Variants in TMCO1 observed in about 807,000 individuals in gnomAD.
TMCO1 encodes the protein calcium load-activated calcium channel.
Under a neutral mutation model 29.3 loss-of-function variants are expected in TMCO1, and 29 were observed. The observed-to-expected ratio is 0.99, with a 90% confidence interval of 0.74 to 1.35. The LOEUF is 1.35. Among genes scored for constraint, TMCO1 ranks in the 40% most tolerant of loss-of-function variants. The pLI, the probability that TMCO1 is intolerant of heterozygous loss-of-function variation, is 0.00. For synonymous variants in TMCO1, 80 were observed against 77.1 expected (o/e 1.04, Z -0.20); for missense variants, 173 against 225.5 (o/e 0.77, Z 1.49).
At chr1:165,754,570 T>C (rs1652120651) in intron 3 of TMCO1, among the ~76,000 whole-genome samples, 1 of 152,210 alleles carries the variant, frequency 6.6e-6, no homozygotes, top group Non-Finnish European at 1.5e-5. Context: ...CAAAGGGAAT[T>C]GCCAATCAGT....
intron 6 of TMCO1, among the ~76,000 whole-genome samples, chr1:165,737,617 A>G (rs1651440475): frequency 6.6e-6 from 1 of 152,244 alleles, no homozygotes; most frequent in South Asian, 2.1e-4. Context: ...GAAAAGTGAC[A>G]TTACTTACGA....
intron 5 of TMCO1, among the ~76,000 whole-genome samples, chr1:165,748,615 C>A (rs1178477357): frequency 6.6e-6 from 1 of 152,084 alleles, no homozygotes; most frequent in Non-Finnish European, 1.5e-5. Flanking sequence ...GGTTTGAATT[C>A]CTGGTGATGA....
intron 5 of TMCO1, among the ~76,000 whole-genome samples, chr1:165,749,154 C>T (rs1000842033): frequency 6.6e-6 from 1 of 152,168 alleles, no homozygotes; most frequent in Non-Finnish European, 1.5e-5. Context: ...CATCTGTGTA[C>T]AGGTTTTTGT....
chr1:165,729,853 A>G (rs1190648935), intron 6 of TMCO1, among the ~76,000 whole-genome samples: 1 of 152,080 alleles, frequency 6.6e-6, no homozygotes, highest in Non-Finnish European at 1.5e-5. Context: ...GCTCTTCAGA[A>G]CAAACTCCAT....
chr1:165,732,563 T>C (rs35453580), intron 6 of TMCO1, among the ~76,000 whole-genome samples: 12,189 of 151,152 alleles, frequency 0.081, 611 homozygotes, highest in Middle Eastern at 0.14. Context: ...AAAAAACCCA[T>C]AGAATGTACA....
intron 6 of TMCO1, among the ~76,000 whole-genome samples, chr1:165,733,561 A>G (rs1558030231): frequency 6.6e-6 from 1 of 151,996 alleles, no homozygotes; most frequent in Non-Finnish European, 1.5e-5. Context: ...GTGCAGCTGC[A>G]CTCCAACCTG....
At position 165,735,133 on chromosome 1, in the gene TMCO1, G is replaced by A. The variant is rs553701265; in HGVS notation, c.469-7012C>T. 3.9e-5 allele frequency among the ~76,000 whole-genome samples: 6 copies of A among 152,246 alleles called. No individual in the cohort carries two copies. The South Asian group carries it at 1.0e-3, about 26-fold the overall frequency. ...TTCTGCTGCGGTCAGGAGATTAAGT[G>A]ACAATCTCTTTCTCTCCCTCTCACT... On this transcript the variant is annotated intron_variant, in intron 6 of 6. Coordinates refer to ENST00000367881, the MANE Select transcript of TMCO1 (RefSeq NM_019026.6).
At chr1:165,730,099 A>T (rs1308267299) in intron 6 of TMCO1, among the ~76,000 whole-genome samples, 1 of 150,866 alleles carries the variant, frequency 6.6e-6, no homozygotes, top group Non-Finnish European at 1.5e-5. Context: ...AGGCGGGCGG[A>T]TCACGAGGTC....
chr1:165,727,915 G>A lies in TMCO1; in HGVS notation c.*108C>T. The A allele has an allele frequency of 1.2e-6, 1 of 811,876 alleles. No homozygotes were observed. Among genetic ancestry groups the A allele is most frequent in the Non-Finnish European group, 2.0e-6 (1 of 496,644 alleles). 50.3% of individuals were successfully genotyped at this position (811,876 alleles called of 1,614,324 possible). On this transcript the variant is annotated 3_prime_UTR_variant, in exon 7 of 7. Transcript: ENST00000367881. ...AAGGCTTAGAAATAATTCAAAACTA[G>A]AAAGAGGCCCAAGTAGTAAGGCTAC...
intron 5 of TMCO1, among the ~76,000 whole-genome samples, chr1:165,743,750 T>C (rs1651688283): frequency 6.6e-6 from 1 of 151,870 alleles, no homozygotes; most frequent in East Asian, 1.9e-4. Flanking sequence ...GCCTCCCGGG[T>C]TCAAGCGATA....
In TMCO1 at chr1:165,735,015, A is replaced by T. The variant is rs187164054; in HGVS notation, c.469-6894T>A. 3.4e-3 allele frequency among the ~76,000 whole-genome samples: 525 copies of T among 152,302 alleles called. 2 individuals are homozygous for T. The highest frequency in any genetic ancestry group is 0.012 in the African/African-American group (512 of 41,564). On this transcript the variant is annotated intron_variant, in intron 6 of 6. Coordinates refer to ENST00000367881, the MANE Select transcript of TMCO1 (RefSeq NM_019026.6). ...AAATTCTGAAAGATAAGCACATCAA[A>T]TCTGCACTAGAGTAATGTCACTTCC...
At chr1:165,767,074 G>A (rs912780171) in intron 2 of TMCO1, among the ~76,000 whole-genome samples, 4 of 152,262 alleles carry the variant, frequency 2.6e-5, no homozygotes, top group Middle Eastern at 3.4e-3. Context: ...GCTCTGTGAC[G>A]TAAGTTGTCA....
At chr1:165,738,663 G>T (rs73020541) in intron 6 of TMCO1, among the ~76,000 whole-genome samples, 2,021 of 152,300 alleles carry the variant, frequency 0.013, 54 homozygotes, top group African/African-American at 0.047. Context: ...CTAACAGTGA[G>T]TAATAGGTAG....
intron 6 of TMCO1, among the ~76,000 whole-genome samples, chr1:165,741,207 C>T (rs1488157152): frequency 6.6e-6 from 1 of 152,232 alleles, no homozygotes; most frequent in African/African-American, 2.4e-5. Flanking sequence ...TTTTTCCTTT[C>T]TCCTTCACAT....
intron 2 of TMCO1, among the ~76,000 whole-genome samples, chr1:165,766,463 G>A (rs1652571835): frequency 1.3e-5 from 2 of 152,310 alleles, no homozygotes; most frequent in African/African-American, 4.8e-5. Flanking sequence ...GGGAGGTCAA[G>A]AAATGAAACC....
intron 3 of TMCO1, among the ~76,000 whole-genome samples, chr1:165,756,813 C>CTA (rs1275250436): frequency 4.7e-5 from 7 of 150,212 alleles, no homozygotes; most frequent in African/African-American, 9.8e-5. Context: ...TCCCCAGATA[C>CTA]TATATATATA....
rs35952900 is a variant in TMCO1, at chr1:165,727,599, G to GAA, written c.*422_*423dup. On this transcript the variant is annotated 3_prime_UTR_variant, in exon 7 of 7. Coordinates refer to ENST00000367881, the MANE Select transcript of TMCO1 (RefSeq NM_019026.6). The stretch of plus-strand genomic sequence containing the variant: ...TGATCTTATGTCATGTATTTGGCTT[G>GAA]AAAAAAAAACAACAACAAAACAAAC... 14 of 446,514 alleles carry GAA rather than the reference G, an allele frequency of 3.1e-5. No individual in the cohort carries two copies. Among genetic ancestry groups the GAA allele is most frequent in the Middle Eastern group, 6.9e-4 (1 of 1,442 alleles). The allele number at this position is 446,514 out of a possible 1,614,324, so 27.7% of individuals were successfully genotyped here. A position where few individuals can be genotyped will look rare whatever the true frequency, so the allele number is the denominator to read the frequency against.
intron 2 of TMCO1, among the ~76,000 whole-genome samples, chr1:165,760,484 TG>T (rs1353768774): frequency 6.6e-6 from 1 of 150,946 alleles, no homozygotes; most frequent in African/African-American, 2.4e-5. Context: ...ATTACTATCA[TG>T]ATTACATAAC....
rs190903543 is a variant in TMCO1, at chr1:165,742,772, G to A, written c.468+395C>T. Among the ~76,000 whole-genome samples the A allele has an allele frequency of 2.6e-5, 4 of 152,278 alleles. No homozygotes were observed. The East Asian group carries it at 5.8e-4, about 22-fold the overall frequency. ...ATAACCTAAACTTTATCTCAACTGT[G>A]AATAACCTAAAATTACCACATTGTT... On this transcript the variant is annotated intron_variant, in intron 6 of 6. Coordinates refer to ENST00000367881, the MANE Select transcript of TMCO1 (RefSeq NM_019026.6).
Sources: allele counts gnomAD v4.1 joint callset (sites outside exome capture counted in the v4.1 genomes callset), GRCh38; gene constraint gnomAD v4.1.1; transcripts MANE v1.5; gene names NCBI Gene and HGNC (gene_info 2026-07-23, HGNC 2026-07-21).